CCN4: variants seen among roughly 807,000 people sequenced by gnomAD.
CCN4 encodes the protein cellular communication network factor 4.
A neutral mutation model predicts 36.7 loss-of-function variants in CCN4; 30 were observed. The observed-to-expected ratio is 0.82, with a 90% confidence interval of 0.61 to 1.11. The LOEUF (loss-of-function observed/expected upper bound fraction) is 1.11. Ranked by LOEUF, CCN4 falls within the 50% of genes least tolerant of loss-of-function variation. The probability of loss-of-function intolerance (pLI) is 0.00; values close to 1 mark genes in which losing one functional copy is unlikely to be tolerated. For synonymous variants in CCN4, 191 were observed against 195.4 expected (o/e 0.98, Z 0.19); for missense variants, 505 against 504.9 (o/e 1.00, Z 0.00).
chr8:133,227,710 G>A lies in CCN4; in HGVS notation c.1104G>A (p.Ter368=). 1 of 1,611,040 alleles carries A rather than the reference G, an allele frequency of 6.2e-7. No individual in the cohort carries two copies. Among genetic ancestry groups the A allele is most frequent in the East Asian group, 2.2e-5 (1 of 44,852 alleles). ...SYPDFSEIAN[*] ...CTGACTTCTCAGAAATTGCCAACTA[G>A]GCAGGCACAAATCTTGGGTCTTGGG... The change falls in exon 5 of 5, where the codon TAG becomes TAA. Residue 368 remains the stop codon, a stop_retained_variant. Coordinates refer to ENST00000250160, the MANE Select transcript of CCN4 (RefSeq NM_003882.4).
At position 133,210,665 on chromosome 8, in the gene CCN4, A is replaced by G. The variant is rs142155427; in HGVS notation, c.70-2199A>G. Among the ~76,000 whole-genome samples, 124 of 152,232 alleles carry G rather than the reference A, an allele frequency of 8.1e-4. 3 individuals are homozygous for G. In the East Asian group the frequency reaches 0.016, roughly 20 times the overall value. On this transcript the variant is annotated intron_variant, in intron 1 of 4. Coordinates refer to ENST00000250160, the MANE Select transcript of CCN4 (RefSeq NM_003882.4). ...GGTGTCTGTCTGGGCCATAACAGAGAAGTCACCCATATGTCCCCAGTGAAG... is the reference window on the plus strand; with the variant it reads ...GGTGTCTGTCTGGGCCATAACAGAGGAGTCACCCATATGTCCCCAGTGAAG...
chr8:133,227,347 G>A, intron 4 of CCN4, 64 bp from the exon 5 acceptor site: 1 of 1,520,452 alleles, frequency 6.6e-7, no homozygotes, highest in South Asian at 1.3e-5. Flanking sequence ...TGGGGGCTCA[G>A]GGGAAGAAGG....
chr8:133,201,088 T>A (rs1853572991), intron 1 of CCN4, among the ~76,000 whole-genome samples: 1 of 152,218 alleles, frequency 6.6e-6, no homozygotes. Context: ...TATGCTAAGT[T>A]ACCTTACAGT....
intron 1 of CCN4, among the ~76,000 whole-genome samples, chr8:133,191,792 C>T (rs933942684): frequency 6.6e-6 from 1 of 152,186 alleles, no homozygotes. Flanking sequence ...CTGTCACCTC[C>T]GGTCTGCACA....
chr8:133,205,261 G>C (rs1235017045), intron 1 of CCN4, among the ~76,000 whole-genome samples: 1 of 152,234 alleles, frequency 6.6e-6, no homozygotes, highest in East Asian at 1.9e-4. Flanking sequence ...TATCTGCAGA[G>C]TCTATTTCCA....
intron 1 of CCN4, among the ~76,000 whole-genome samples, chr8:133,195,869 G>A (rs13261909): frequency 0.049 from 7,417 of 152,282 alleles, 299 homozygotes; most frequent in Non-Finnish European, 0.074. Context: ...GCAACCCAGG[G>A]ATCTTCCCAG....
intron 2 of CCN4, among the ~76,000 whole-genome samples, chr8:133,216,096 C>T (rs928685755): frequency 4.6e-5 from 7 of 152,126 alleles, no homozygotes; most frequent in African/African-American, 1.2e-4. Context: ...AACATGTTCC[C>T]GGAAGTGCTA....
At chr8:133,218,949 C>T (rs1854423114) in intron 2 of CCN4, among the ~76,000 whole-genome samples, 3 of 152,096 alleles carry the variant, frequency 2.0e-5, no homozygotes, top group Admixed American at 2.0e-4. Context: ...TCTCCTTTCC[C>T]CCGCACAGCC....
rs774593916 is a variant in CCN4 at position 133,213,143 on chromosome 8, CGTAA to C, written c.349+3_349+6del. The C allele has an allele frequency of 1.4e-5, 20 of 1,459,874 alleles. No homozygotes were observed. In the African/African-American group the frequency reaches 2.5e-4, roughly 18 times the overall value. 90.4% of individuals were successfully genotyped at this position (1,459,874 alleles called of 1,614,324 possible). On this transcript the variant is annotated splice_donor_variant and splice_donor_region_variant and intron_variant, in intron 2 of 4. Coordinates refer to ENST00000250160, the MANE Select transcript of CCN4 (RefSeq NM_003882.4). LOFTEE classifies it high-confidence loss of function. The stretch of plus-strand genomic sequence containing the variant: ...GAGGTACGCAATAGGAGTGTGTGCA[CGTAA>C]GTGAGTCCTCCATACCTTCTGACCA...
chr8:133,198,767 C>G (rs1853479000), intron 1 of CCN4, among the ~76,000 whole-genome samples: 1 of 152,212 alleles, frequency 6.6e-6, no homozygotes, highest in Admixed American at 6.5e-5. Flanking sequence ...TGGCCTTGCC[C>G]TGTGTTTGAG....
rs1343262814 is a variant in CCN4, at chr8:133,227,544, A to G, written c.938A>G (p.Tyr313Cys). 12 of 1,614,238 alleles carry G rather than the reference A, an allele frequency of 7.4e-6. No individual in the cohort carries two copies. Among genetic ancestry groups the G allele is most frequent in the Admixed American group, 1.7e-5 (1 of 60,030 alleles). The stretch of plus-strand genomic sequence containing the variant: ...ATGGACAATAGGTGCTGCATCCCCT[A>G]CAAGTCTAAGACTATCGACGTGTCC... ...VCMDNRCCIP[Y>C]KSKTIDVSFQ... The change falls in exon 5 of 5, where the codon TAC becomes TGC. Residue 313 changes from tyrosine to cysteine, a missense_variant. Tyr to Cys is a radical substitution (Grantham distance 194, BLOSUM62 -2). Transcript: ENST00000250160.
intron 1 of CCN4, among the ~76,000 whole-genome samples, chr8:133,199,259 G>A (rs1853498962): frequency 6.6e-6 from 1 of 152,206 alleles, no homozygotes; most frequent in Admixed American, 6.5e-5. Context: ...ATGTCTTTAT[G>A]TGAAAAAGGA....
At chr8:133,194,124 C>A (rs1853216992) in intron 1 of CCN4, among the ~76,000 whole-genome samples, 1 of 152,160 alleles carries the variant, frequency 6.6e-6, no homozygotes, top group Non-Finnish European at 1.5e-5. Context: ...CCTGGGCAAG[C>A]ATTAGGCCTG....
In CCN4 at chr8:133,191,247, C is replaced by T. The variant is rs745515270; in HGVS notation, c.69+34C>T. 9 of 1,591,524 alleles carry T rather than the reference C, an allele frequency of 5.7e-6. No homozygotes were observed. In the East Asian group the frequency reaches 1.8e-4, roughly 32 times the overall value. ...TGCCTGGAGGGGCTCAGAGGGAGAC[C>T]CAGCTCCCTTCTCTACTGGGTCCTG... On this transcript the variant is annotated intron_variant, in intron 1 of 4. Coordinates refer to ENST00000250160, the MANE Select transcript of CCN4 (RefSeq NM_003882.4).
chr8:133,217,156 G>A (rs1229384685), intron 2 of CCN4, among the ~76,000 whole-genome samples: 1 of 152,238 alleles, frequency 6.6e-6, no homozygotes, highest in Non-Finnish European at 1.5e-5. Flanking sequence ...TGGTTAGAAT[G>A]TCAAGTGCCT....
At chr8:133,199,851 G>T (rs1411999371) in intron 1 of CCN4, among the ~76,000 whole-genome samples, 1 of 152,126 alleles carries the variant, frequency 6.6e-6, no homozygotes, top group Non-Finnish European at 1.5e-5. Context: ...GTGAGCCAAG[G>T]CCCACGGCGA....
chr8:133,229,996 A>G lies in CCN4; in HGVS notation c.*2286A>G, dbSNP rs764344005. The G allele has an allele frequency of 1.3e-5, 2 of 152,244 alleles. No homozygotes were observed. Among genetic ancestry groups the G allele is most frequent in the African/African-American group, 2.4e-5 (1 of 41,468 alleles). 9.4% of individuals were successfully genotyped at this position (152,244 alleles called of 1,614,324 possible). On this transcript the variant is annotated 3_prime_UTR_variant, in exon 5 of 5. Coordinates refer to ENST00000250160, the MANE Select transcript of CCN4 (RefSeq NM_003882.4). ...ACAAGGCTGGATAACAGCTCACTCC[A>G]TTTGAAATTCAGTGGAAACCCAAGA...
intron 1 of CCN4, among the ~76,000 whole-genome samples, chr8:133,209,867 C>T (rs1364113982): frequency 1.3e-5 from 2 of 152,190 alleles, no homozygotes; most frequent in Non-Finnish European, 2.9e-5. Context: ...CCAACTGCCC[C>T]CAAAGGGAGG....
intron 2 of CCN4, among the ~76,000 whole-genome samples, chr8:133,215,984 T>TACACAC (rs35957025): frequency 4.7e-5 from 7 of 149,358 alleles, no homozygotes; most frequent in Admixed American, 2.7e-4. Context: ...CCCATTACAC[T>TACACAC]ACACACACAC....
Sources: gnomAD v4.1 joint callset for allele counts (sites outside exome capture counted in the v4.1 genomes callset) on GRCh38, gnomAD v4.1.1 for gene constraint, MANE v1.5 for transcripts, NCBI Gene and HGNC (gene_info 2026-07-23, HGNC 2026-07-21) for gene names.